HS6ST3: variants seen among roughly 807,000 people sequenced by gnomAD.
HS6ST3 encodes the protein heparan-sulfate 6-O-sulfotransferase 3.
In HS6ST3, 12 loss-of-function variants were observed where a neutral mutation model predicts 36.7. The observed-to-expected ratio is 0.33, with a 90% confidence interval of 0.21 to 0.53. The LOEUF (loss-of-function observed/expected upper bound fraction) is 0.53. HS6ST3 is among the 20% of genes least tolerant of loss of function. The pLI is 0.95. For synonymous variants in HS6ST3, 240 were observed against 257.5 expected (o/e 0.93, Z 0.65); for missense variants, 584 against 640.9 (o/e 0.91, Z 0.96).
chr13:96,262,800 G>A (rs996537535), intron 1 of HS6ST3, among the ~76,000 whole-genome samples: 2 of 151,972 alleles, frequency 1.3e-5, no homozygotes, highest in Non-Finnish European at 2.9e-5. Context: ...TAGGGCATAC[G>A]ATATTATCAG....
chr13:96,389,715 A>G (rs967002368), intron 1 of HS6ST3, among the ~76,000 whole-genome samples: 10 of 152,186 alleles, frequency 6.6e-5, no homozygotes, highest in Admixed American at 2.6e-4. Context: ...TTAGAAATTA[A>G]AGGGATCTTA....
intron 1 of HS6ST3, among the ~76,000 whole-genome samples, chr13:96,180,589 T>C (rs962152668): frequency 1.3e-5 from 2 of 152,216 alleles, no homozygotes; most frequent in Non-Finnish European, 2.9e-5. Flanking sequence ...GTGAGATTAA[T>C]TGTTTAATTA....
intron 1 of HS6ST3, among the ~76,000 whole-genome samples, chr13:96,608,895 A>G (rs1055688067): frequency 6.6e-6 from 1 of 152,190 alleles, no homozygotes; most frequent in African/African-American, 2.4e-5. Flanking sequence ...GTAATAATTC[A>G]TTAAGCCATA....
At chr13:96,617,525 A>G (rs2056478881) in intron 1 of HS6ST3, among the ~76,000 whole-genome samples, 1 of 152,158 alleles carries the variant, frequency 6.6e-6, no homozygotes, top group African/African-American at 2.4e-5. Context: ...CATCTTTTGG[A>G]TTCCAGCTGT....
chr13:96,285,317 T>A lies in HS6ST3; in HGVS notation c.707+193748T>A, dbSNP rs530621996. Among the ~76,000 whole-genome samples the A allele has an allele frequency of 6.4e-4, 97 of 152,318 alleles. 2 individuals carry two copies. In the East Asian group the frequency reaches 0.018, roughly 29 times the overall value. On this transcript the variant is annotated intron_variant, in intron 1 of 1. Transcript: ENST00000376705. Reference sequence around the variant, plus strand: ...ATCTTAAAGATATACTATTTAGCAATAATTTAACTTCCAGAGAGACTAAAA... The same window carrying A: ...ATCTTAAAGATATACTATTTAGCAAAAATTTAACTTCCAGAGAGACTAAAA...
chr13:96,533,028 G>A (rs2056141780), intron 1 of HS6ST3, among the ~76,000 whole-genome samples: 1 of 152,134 alleles, frequency 6.6e-6, no homozygotes, highest in South Asian at 2.1e-4. Flanking sequence ...TAGGCAGGAG[G>A]TTAAAAGCTC....
intron 1 of HS6ST3, among the ~76,000 whole-genome samples, chr13:96,815,170 T>C (rs1878394143): frequency 1.3e-5 from 2 of 152,226 alleles, no homozygotes; most frequent in African/African-American, 4.8e-5. Flanking sequence ...TGGTTTCCTC[T>C]GAGGGTGGGA....
intron 1 of HS6ST3, among the ~76,000 whole-genome samples, chr13:96,764,283 A>G (rs1415585720): frequency 1.3e-5 from 2 of 152,196 alleles, no homozygotes; most frequent in African/African-American, 4.8e-5. Context: ...TTTGAAAGTG[A>G]TTGGTCTTAT....
intron 1 of HS6ST3, among the ~76,000 whole-genome samples, chr13:96,766,705 T>C (rs529770535): frequency 2.0e-5 from 3 of 152,320 alleles, no homozygotes; most frequent in African/African-American, 7.2e-5. Context: ...TCCGTCTTTT[T>C]ATTTTCTGAT....
chr13:96,591,031 T>G (rs1221944870), intron 1 of HS6ST3, among the ~76,000 whole-genome samples: 1 of 151,808 alleles, frequency 6.6e-6, no homozygotes, highest in African/African-American at 2.4e-5. Flanking sequence ...TGTTCTCTGT[T>G]TTGTCCCTTT....
At chr13:96,257,540 A>AT (rs2054642981) in intron 1 of HS6ST3, among the ~76,000 whole-genome samples, 2 of 152,102 alleles carry the variant, frequency 1.3e-5, no homozygotes, top group African/African-American at 2.4e-5. Flanking sequence ...AAGTTACTTA[A>AT]TTTTTTCAAT....
At chr13:96,323,525 C>T (rs2055015083) in intron 1 of HS6ST3, among the ~76,000 whole-genome samples, 2 of 152,198 alleles carry the variant, frequency 1.3e-5, no homozygotes, top group Non-Finnish European at 2.9e-5. Context: ...GCCACAGCCT[C>T]ATAGTTCATG....
intron 1 of HS6ST3, among the ~76,000 whole-genome samples, chr13:96,606,613 G>C (rs997088649): frequency 1.5e-5 from 2 of 129,622 alleles, no homozygotes; most frequent in African/African-American, 6.2e-5. Flanking sequence ...GAGGGAGGGA[G>C]GGAGGGAGGG....
intron 1 of HS6ST3, among the ~76,000 whole-genome samples, chr13:96,326,698 A>C (rs1364629517): frequency 6.6e-6 from 1 of 152,128 alleles, no homozygotes; most frequent in Non-Finnish European, 1.5e-5. Flanking sequence ...TTACCCAGTA[A>C]TGGGATGGCT....
intron 1 of HS6ST3, among the ~76,000 whole-genome samples, chr13:96,372,637 A>G (rs2055295353): frequency 1.3e-5 from 2 of 152,250 alleles, no homozygotes; most frequent in Non-Finnish European, 2.9e-5. Context: ...TAAGGCTTTA[A>G]TTAATTTGGG....
intron 1 of HS6ST3, among the ~76,000 whole-genome samples, chr13:96,095,693 A>G (rs2053786787): frequency 6.6e-6 from 1 of 152,180 alleles, no homozygotes. Context: ...TAATAGCTCC[A>G]CAGCCGAGAG....
intron 1 of HS6ST3, among the ~76,000 whole-genome samples, chr13:96,677,271 G>A (rs907398420): frequency 2.6e-5 from 4 of 152,200 alleles, no homozygotes; most frequent in Admixed American, 1.3e-4. Context: ...GAAATAAAAT[G>A]TAAGATAAAA....
intron 1 of HS6ST3, among the ~76,000 whole-genome samples, chr13:96,196,515 T>A (rs76467751): frequency 0.012 from 1,763 of 152,284 alleles, 34 homozygotes; most frequent in African/African-American, 0.041. Context: ...GGACAGTTGA[T>A]ACAAAACAGC....
At chr13:96,270,781 G>A (rs1192239869) in intron 1 of HS6ST3, among the ~76,000 whole-genome samples, 1 of 151,860 alleles carries the variant, frequency 6.6e-6, no homozygotes, top group Non-Finnish European at 1.5e-5. Context: ...AAACGATGGA[G>A]CTCAATGTCA....
Sources: gnomAD v4.1 joint callset for allele counts (sites outside exome capture counted in the v4.1 genomes callset) on GRCh38, gnomAD v4.1.1 for gene constraint, MANE v1.5 for transcripts, NCBI Gene and HGNC (gene_info 2026-07-23, HGNC 2026-07-21) for gene names.